The following TDRD7 variants were observed in gnomAD, a reference collection of about 807,000 sequenced individuals.
The protein encoded by TDRD7 is tudor domain-containing protein 7.
A neutral mutation model predicts 109.8 loss-of-function variants in TDRD7; 47 were observed. That is an observed-to-expected ratio of 0.43 (90% CI 0.34 to 0.55). The LOEUF (loss-of-function observed/expected upper bound fraction) is 0.55. Ranked by LOEUF, TDRD7 falls within the 20% of genes least tolerant of loss-of-function variation. TDRD7 has a pLI of 0.03. For synonymous variants in TDRD7, 424 were observed against 457.3 expected (o/e 0.93, Z 0.93); for missense variants, 1,164 against 1,319.2 (o/e 0.88, Z 1.82).
Position 97,495,749 on chromosome 9 carries a change from A to G in TDRD7, c.3163A>G (p.Thr1055Ala), listed in dbSNP as rs1829386344. The G allele has an allele frequency of 6.2e-7, 1 of 1,614,200 alleles. No individual in the cohort carries two copies. The highest frequency in any genetic ancestry group is 8.5e-7 in the Non-Finnish European group (1 of 1,180,040). ...EKKPLVALVQ[T>A]VIENANPWDR... ...GAAACCTCTGGTGGCACTGGTGCAG[A>G]CAGTCATTGAAAATGCTAACCCTTG... The change falls in exon 17 of 17, where the codon ACA (threonine) becomes GCA (alanine). Residue 1055 changes from threonine to alanine, a missense_variant. Thr to Ala is a moderately conservative substitution (Grantham distance 58). Transcript: ENST00000355295.
intron 16 of TDRD7, among the ~76,000 whole-genome samples, chr9:97,494,625 T>C (rs1829363075): frequency 6.6e-6 from 1 of 151,596 alleles, no homozygotes; most frequent in African/African-American, 2.4e-5. Context: ...CTTTGGGGCA[T>C]AATTTACAGT....
intron 6 of TDRD7, among the ~76,000 whole-genome samples, chr9:97,456,023 A>C (rs1052070125): frequency 2.0e-5 from 3 of 152,180 alleles, no homozygotes; most frequent in Admixed American, 6.5e-5. Context: ...ATTTCTTTAC[A>C]CCAACAATAG....
chr9:97,480,768 TA>T, intron 13 of TDRD7, 59 bp from the exon 14 acceptor site: 1 of 1,295,434 alleles, frequency 7.7e-7, no homozygotes, highest in Non-Finnish European at 1.1e-6. Flanking sequence ...ATATTAACAT[TA>T]CTCATAACTA....
Position 97,428,603 on chromosome 9 carries a change from C to T in TDRD7, c.138C>T (p.Phe46=), listed in dbSNP as rs753605631. 4 of 1,614,026 alleles carry T rather than the reference C, an allele frequency of 2.5e-6. No individual in the cohort carries two copies. The highest frequency in any genetic ancestry group is 3.4e-6 in the Non-Finnish European group (4 of 1,179,940). The change falls in exon 2 of 17, where the codon TTC becomes TTT. Residue 46 remains phenylalanine (F), a synonymous_variant. Coordinates refer to ENST00000355295, the MANE Select transcript of TDRD7 (RefSeq NM_014290.3). ...GDWIPFKQLG[F]PTLEAYLRSV... ...GGATCCCCTTCAAACAGCTAGGTTT[C>T]CCTACACTAGAAGCCTATCTGAGAA...
In TDRD7 at chr9:97,428,609, A is replaced by C. The variant is rs149280437; in HGVS notation, c.144A>C (p.Thr48=). 11 of 1,613,924 alleles carry C rather than the reference A, an allele frequency of 6.8e-6. No homozygotes were observed. In the Admixed American group the frequency reaches 1.7e-4, roughly 24 times the overall value. ...CCTTCAAACAGCTAGGTTTCCCTAC[A>C]CTAGAAGCCTATCTGAGAAGTGTGC... ...WIPFKQLGFP[T]LEAYLRSVPA... The change falls in exon 2 of 17, where the codon ACA becomes ACC. Residue 48 remains threonine (T), a synonymous_variant. Transcript: ENST00000355295.
At chr9:97,486,191 G>A (rs1444570085) in intron 15 of TDRD7, among the ~76,000 whole-genome samples, 3 of 152,156 alleles carry the variant, frequency 2.0e-5, no homozygotes, top group African/African-American at 7.2e-5. Context: ...CTGAACTAGA[G>A]GCCAATTTCC....
At chr9:97,440,925 C>T (rs1423019851) in intron 5 of TDRD7, among the ~76,000 whole-genome samples, 1 of 152,154 alleles carries the variant, frequency 6.6e-6, no homozygotes, top group Non-Finnish European at 1.5e-5. Context: ...GATATTAACT[C>T]TCACATTCTA....
At chr9:97,490,909 C>CTTTTTTTTT (rs1174656625) in intron 16 of TDRD7, among the ~76,000 whole-genome samples, 48 of 77,658 alleles carry the variant, frequency 6.2e-4, no homozygotes, top group Non-Finnish European at 6.8e-4. Context: ...CTTTTCTTTT[C>CTTTTTTTTT]TTTTTTTTTT....
chr9:97,439,403 C>T (rs1321068346), intron 5 of TDRD7, 85 bp downstream of exon 5: 67 of 1,093,352 alleles, frequency 6.1e-5, no homozygotes, highest in Non-Finnish European at 9.0e-5. Flanking sequence ...CATTTGCTCT[C>T]ACCTTCTCCT....
At chr9:97,422,828 T>TA (rs1266253992) in intron 1 of TDRD7, among the ~76,000 whole-genome samples, 1 of 152,248 alleles carries the variant, frequency 6.6e-6, no homozygotes, top group Non-Finnish European at 1.5e-5. Flanking sequence ...TGTAGTAAGT[T>TA]ATATTGATTG....
chr9:97,485,998 C>T (rs1293442226), intron 15 of TDRD7, among the ~76,000 whole-genome samples: 1 of 152,138 alleles, frequency 6.6e-6, no homozygotes, highest in Non-Finnish European at 1.5e-5. Flanking sequence ...CTTTTTGTTT[C>T]GGGGTTTCTC....
At chr9:97,451,065 C>G (rs1025604176) in intron 6 of TDRD7, among the ~76,000 whole-genome samples, 3 of 151,962 alleles carry the variant, frequency 2.0e-5, no homozygotes, top group Non-Finnish European at 4.4e-5. Flanking sequence ...TTAGGTTGAT[C>G]GCCAGTGGCC....
At chr9:97,435,036 T>C (rs1828169448) in intron 4 of TDRD7, among the ~76,000 whole-genome samples, 1 of 152,164 alleles carries the variant, frequency 6.6e-6, no homozygotes, top group African/African-American at 2.4e-5. Flanking sequence ...GGGATGGGTA[T>C]GGCTATAAAG....
chr9:97,429,369 CACCA>C (rs1034601832), intron 2 of TDRD7, among the ~76,000 whole-genome samples: 58 of 152,118 alleles, frequency 3.8e-4, no homozygotes, highest in Non-Finnish European at 6.3e-4. Flanking sequence ...ATGGACAGAC[CACCA>C]ACCAAAAGAG....
intron 16 of TDRD7, among the ~76,000 whole-genome samples, chr9:97,487,850 T>C (rs1186730651): frequency 6.6e-6 from 1 of 152,210 alleles, no homozygotes; most frequent in Non-Finnish European, 1.5e-5. Context: ...CATACTTTAT[T>C]ATTATCGCAT....
In TDRD7 at chr9:97,412,789, G is replaced by A. The variant is rs12002167; in HGVS notation, c.-7+551G>A. ...ACACACATCCCCATTTCTCTCAAAC[G>A]AGGAGCACCCAGTGGGTACAGAGCA... is the stretch of plus-strand genomic sequence containing the variant. On this transcript the variant is annotated intron_variant, in intron 1 of 16. Transcript: ENST00000355295. This position sits in a 1 kb window ranked among gnomAD's most constrained non-coding sequence, Gnocchi z 4.3. 6.6e-6 allele frequency among the ~76,000 whole-genome samples: 1 copy of A among 152,110 alleles called. No homozygotes were observed. The highest frequency in any genetic ancestry group is 6.5e-5 in the Admixed American group (1 of 15,288).
At chr9:97,428,817 T>C (rs1189588998) in intron 2 of TDRD7, 145 bp downstream of exon 2, 1 of 745,738 alleles carries the variant, frequency 1.3e-6, no homozygotes, top group Non-Finnish European at 2.3e-6. Context: ...GAAAACAGCA[T>C]GTAAAGCACA....
chr9:97,437,607 A>T (rs929607034), intron 4 of TDRD7, among the ~76,000 whole-genome samples: 1 of 152,210 alleles, frequency 6.6e-6, no homozygotes, highest in Non-Finnish European at 1.5e-5. Context: ...CTTTGGGGTT[A>T]TCTCAGCAGC....
rs572026773 is a variant in TDRD7, at chr9:97,455,610, G to C, written c.856-4568G>C. Among the ~76,000 whole-genome samples, 41 of 152,304 alleles carry C rather than the reference G, an allele frequency of 2.7e-4. 2 individuals carry two copies. In the South Asian group the frequency reaches 5.4e-3, roughly 20 times the overall value. ...CTCAATAGATGCAGAAAAGGCCTTT[G>C]ATAAAATTCAGTATCCCTCCATGTT... On this transcript the variant is annotated intron_variant, in intron 6 of 16. Coordinates refer to ENST00000355295, the MANE Select transcript of TDRD7 (RefSeq NM_014290.3).
Sources: gnomAD v4.1 joint callset for allele counts (sites outside exome capture counted in the v4.1 genomes callset) on GRCh38, gnomAD v4.1.1 for gene constraint, Gnocchi (gnomAD v3.1) non-coding constraint, MANE v1.5 for transcripts, NCBI Gene and HGNC (gene_info 2026-07-23, HGNC 2026-07-21) for gene names.